Variants in ZNF578 observed in about 807,000 individuals in gnomAD.
The protein encoded by ZNF578 is zinc finger protein 578.
ZNF578 carries 8 observed loss-of-function variants against 8.3 expected under a neutral mutation model. That is an observed-to-expected ratio of 0.96 (90% CI 0.56 to 1.74). The LOEUF (loss-of-function observed/expected upper bound fraction) is 1.74. ZNF578 is among the 40% of genes most tolerant of loss of function. ZNF578 has a pLI of 0.00. For missense variants in ZNF578, 726 were observed against 707.5 expected, an observed-to-expected ratio of 1.03 and a Z score of -0.30; for synonymous variants, 206 against 232.2, an observed-to-expected ratio of 0.89 and a Z score of 1.03.
Position 52,459,612 on chromosome 19 carries a change from TACACACACAC to T in ZNF578, c.-122+2684_-122+2693del, listed in dbSNP as rs71180468. ...TGCTTTCAAGTCTTTAATGTGTATG[TACACACACAC>T]ACACACACACACACACACACACACA... is the stretch of plus-strand genomic sequence containing the variant. On this transcript the variant is annotated intron_variant, in intron 2 of 5. Transcript: ENST00000421239. 4.2e-3 allele frequency among the ~76,000 whole-genome samples: 493 copies of T among 118,766 alleles called. 5 individuals are homozygous for T. The highest frequency in any genetic ancestry group is 0.012 in the African/African-American group (379 of 30,622). The allele number at this position is 118,766 out of a possible 152,430, so 77.9% of individuals were successfully genotyped here. A position where few individuals can be genotyped will look rare whatever the true frequency, so the allele number is the denominator to read the frequency against.
rs188261826 is a variant in ZNF578, at chr19:52,495,245, C to G, written c.-20+3820C>G. Among the ~76,000 whole-genome samples the G allele has an allele frequency of 8.3e-5, 10 of 120,638 alleles. 1 individual carries two copies. The highest frequency in any genetic ancestry group is 2.7e-4 in the African/African-American group (9 of 33,206). 79.1% of individuals were successfully genotyped at this position (120,638 alleles called of 152,430 possible). On this transcript the variant is annotated intron_variant, in intron 3 of 5. Transcript: ENST00000421239. ...AAGGGCACGATCTTGGCTAATGACTCTCTGTGCCTTTAGAGTTGAAGCGAT... is the reference window on the plus strand; with the variant it reads ...AAGGGCACGATCTTGGCTAATGACTGTCTGTGCCTTTAGAGTTGAAGCGAT...
intron 2 of ZNF578, among the ~76,000 whole-genome samples, chr19:52,478,960 C>T (rs1051565816): frequency 2.6e-5 from 4 of 151,660 alleles, no homozygotes; most frequent in East Asian, 2.0e-4. Context: ...GTGATCTGCC[C>T]GCCTCAGCCT....
rs762505795 is a variant in ZNF578, at chr19:52,512,101, A to G, written c.1720A>G (p.Lys574Glu). The G allele has an allele frequency of 1.2e-6, 2 of 1,613,160 alleles. No individual in the cohort carries two copies. The highest frequency in any genetic ancestry group is 1.7e-6 in the Non-Finnish European group (2 of 1,179,620). ...ACCTTACAAGTGTAATGAGTGTGGT[A>G]AGGCTCACAATCACTTGATTGATTC... ...EKPYKCNECG[K>E]AHNHLIDSSI... The change falls in exon 6 of 6, where the codon AAG becomes GAG. Residue 574 changes from lysine (K) to glutamate (E), a missense_variant. Transcript: ENST00000421239.
chr19:52,457,363 C>G (rs2059242730), intron 2 of ZNF578: 1 of 152,244 alleles, frequency 6.6e-6, no homozygotes, highest in Non-Finnish European at 1.5e-5. Context: ...GCCCTGCACT[C>G]CTTCCTCCAT....
chr19:52,498,703 T>TTTTTTTTTTTTTTG (rs1352953674), intron 3 of ZNF578, among the ~76,000 whole-genome samples: 1 of 127,494 alleles, frequency 7.8e-6, no homozygotes, highest in African/African-American at 3.0e-5. Flanking sequence ...TTTTTTTTTG[T>TTTTTTTTTTTTTTG]AAGACAGAGT....
rs1177312782 is a variant in ZNF578, at chr19:52,513,308, C to T, written c.*1154C>T. On this transcript the variant is annotated 3_prime_UTR_variant, in exon 6 of 6. Transcript: ENST00000421239. ...AAGTGATGAGATTACAGGCATATGC[C>T]ACCGCGCCTGGCATTGTTTCTTCTT... Among the ~76,000 whole-genome samples, 5 of 150,730 alleles carry T rather than the reference C, an allele frequency of 3.3e-5. No homozygotes were observed. The highest frequency in any genetic ancestry group is 4.9e-5 in the African/African-American group (2 of 40,814).
intron 2 of ZNF578, among the ~76,000 whole-genome samples, chr19:52,469,187 G>T (rs764491890): frequency 2.1e-5 from 2 of 97,396 alleles, no homozygotes. Context: ...TTTTGACAGG[G>T]TCTCACTCTT....
intron 2 of ZNF578, among the ~76,000 whole-genome samples, chr19:52,480,592 AT>A (rs1423850590): frequency 3.4e-5 from 5 of 148,352 alleles, no homozygotes; most frequent in African/African-American, 1.3e-4. Context: ...AGATGTAAGG[AT>A]TTAAAAAAAA....
intron 2 of ZNF578, chr19:52,473,495 G>A (rs1395427849): frequency 6.5e-6 from 1 of 154,930 alleles, no homozygotes; most frequent in Non-Finnish European, 1.4e-5. Flanking sequence ...AGGTTTCTGT[G>A]CATTATGGAT....
At chr19:52,500,183 C>G (rs1297663824) in intron 3 of ZNF578, among the ~76,000 whole-genome samples, 1 of 152,116 alleles carries the variant, frequency 6.6e-6, no homozygotes, top group African/African-American at 2.4e-5. Flanking sequence ...TTACAGAGAT[C>G]TCAGTTAATT....
chr19:52,470,321 G>A (rs564772105), intron 2 of ZNF578, among the ~76,000 whole-genome samples: 5 of 152,272 alleles, frequency 3.3e-5, no homozygotes, highest in African/African-American at 1.2e-4. Flanking sequence ...TGCTAGAGGT[G>A]ATGTGACCCG....
rs554670001 is a variant in ZNF578, at chr19:52,514,070, CGTT to C, written c.*1919_*1921del. On this transcript the variant is annotated 3_prime_UTR_variant, in exon 6 of 6. Transcript: ENST00000421239. Reference sequence around the variant, plus strand: ...CAGACATCAAAAATGCTTTTGTTCTCGTTGTGTCATAGACTTCCCTTTTTTTTC... The same window carrying C: ...CAGACATCAAAAATGCTTTTGTTCTCGTGTCATAGACTTCCCTTTTTTTTC... 3.1e-3 allele frequency among the ~76,000 whole-genome samples: 477 copies of C among 152,198 alleles called. 2 individuals are homozygous for C. The highest frequency in any genetic ancestry group is 0.01 in the African/African-American group (423 of 41,528).
chr19:52,479,006 G>A (rs1001259713), intron 2 of ZNF578, among the ~76,000 whole-genome samples: 2 of 151,524 alleles, frequency 1.3e-5, no homozygotes, highest in East Asian at 2.0e-4. Context: ...GAGCCACCGC[G>A]CCCGGCTATT....
In ZNF578 at chr19:52,510,601, G is replaced by T; in HGVS notation, c.220G>T (p.Val74Phe). The change falls in exon 6 of 6, where the codon GTC becomes TTC. Residue 74 changes from valine (V) to phenylalanine (F), a missense_variant. By Grantham distance (50) the Val-to-Phe change is conservative. Transcript: ENST00000421239. ...DISSKRMMKE[V>F]LSTGQGNTEV... is the part of the protein sequence containing the mutation. ...CTCTTCCAAACGCATGATGAAGGAG[G>T]TCTTGTCAACAGGGCAAGGCAATAC... 6.4e-7 allele frequency: 1 copy of T among 1,552,134 alleles called. No homozygotes were observed. Among genetic ancestry groups the T allele is most frequent in the Non-Finnish European group, 8.7e-7 (1 of 1,152,612 alleles).
At chr19:52,459,747 G>A (rs1308456602) in intron 2 of ZNF578, among the ~76,000 whole-genome samples, 9 of 16,718 alleles carry the variant, frequency 5.4e-4, no homozygotes, top group South Asian at 2.6e-3. Context: ...GTGTGTGTGT[G>A]TGTGTATATA....
Position 52,512,086 on chromosome 19 carries a change from T to G in ZNF578, c.1705T>G (p.Cys569Gly), listed in dbSNP as rs1244205109. 6.2e-7 allele frequency: 1 copy of G among 1,613,502 alleles called. No homozygotes were observed. Among genetic ancestry groups the G allele is most frequent in the East Asian group, 2.2e-5 (1 of 44,816 alleles). ...TCATAGCGGAGAGAAACCTTACAAG[T>G]GTAATGAGTGTGGTAAGGCTCACAA... ...RIHSGEKPYKCNECGKAHNHL... is the reference protein window; with the variant it reads ...RIHSGEKPYKGNECGKAHNHL... The change falls in exon 6 of 6, where the codon TGT becomes GGT. Residue 569 changes from cysteine (C) to glycine (G), a missense_variant. Cys to Gly is a radical substitution (Grantham distance 159). Transcript: ENST00000421239.
chr19:52,482,587 A>C (rs9677002), intron 2 of ZNF578, among the ~76,000 whole-genome samples: 1 of 151,496 alleles, frequency 6.6e-6, no homozygotes, highest in Non-Finnish European at 1.5e-5. Context: ...GCAGTGAGCC[A>C]AGGTTGCGCC....
rs1239752483 is a variant in ZNF578 at position 52,456,939 on chromosome 19, G to C, written c.-141G>C. 3 of 153,430 alleles carry C rather than the reference G, an allele frequency of 2.0e-5. No homozygotes were observed. The highest frequency in any genetic ancestry group is 7.2e-5 in the African/African-American group (3 of 41,430). The allele number at this position is 153,430 out of a possible 1,614,324, so 9.5% of individuals were successfully genotyped here. A position where few individuals can be genotyped will look rare whatever the true frequency, so the allele number is the denominator to read the frequency against. ...GAAGAGGAGGAAGAGGAAAGAAAAGGAGTCAGGAATGCCTCTTAGGTACAG... is the reference window on the plus strand; with the variant it reads ...GAAGAGGAGGAAGAGGAAAGAAAAGCAGTCAGGAATGCCTCTTAGGTACAG... On this transcript the variant is annotated 5_prime_UTR_variant, in exon 2 of 6. Coordinates refer to ENST00000421239, the MANE Select transcript of ZNF578 (RefSeq NM_001099694.2).
At chr19:52,480,433 A>G (rs908741519) in intron 2 of ZNF578, among the ~76,000 whole-genome samples, 1 of 152,166 alleles carries the variant, frequency 6.6e-6, no homozygotes, top group Non-Finnish European at 1.5e-5. Flanking sequence ...TGAATGCACT[A>G]TGGCTGGTTA....
Sources: gnomAD v4.1 joint callset for allele counts (sites outside exome capture counted in the v4.1 genomes callset) on GRCh38, gnomAD v4.1.1 for gene constraint, MANE v1.5 for transcripts, NCBI Gene and HGNC (gene_info 2026-07-23, HGNC 2026-07-21) for gene names.